Variants in STK32B observed in about 807,000 individuals in gnomAD.
The protein encoded by STK32B is serine/threonine-protein kinase 32B.
Under a neutral mutation model 52.6 loss-of-function variants are expected in STK32B, and 43 were observed. The ratio of observed to expected loss-of-function variants is 0.82; its 90% CI spans 0.64 to 1.05. The LOEUF (loss-of-function observed/expected upper bound fraction) is 1.05, where lower values mean the gene tolerates loss of function less well. STK32B is among the 50% of genes least tolerant of loss of function. The pLI is 0.00. For missense variants in STK32B, 621 were observed against 534.6 expected (o/e 1.16, Z -1.59); for synonymous variants, 238 against 204.3 (o/e 1.17, Z -1.41).
chr4:5,059,860 A>G (rs934175464), intron 1 of STK32B, among the ~76,000 whole-genome samples: 2 of 152,238 alleles, frequency 1.3e-5, no homozygotes, highest in Admixed American at 6.5e-5. Flanking sequence ...AGGAAGGAAG[A>G]GACATTTTTT....
chr4:5,492,779 G>C (rs1719856624), intron 11 of STK32B, among the ~76,000 whole-genome samples: 1 of 151,478 alleles, frequency 6.6e-6, no homozygotes, highest in South Asian at 2.1e-4. Flanking sequence ...AGAGTTTTTA[G>C]CATGAAGGGT....
At chr4:5,130,773 C>A (rs557373846) in intron 1 of STK32B, among the ~76,000 whole-genome samples, 5 of 152,138 alleles carry the variant, frequency 3.3e-5, no homozygotes, top group African/African-American at 9.7e-5. Context: ...TGGGTTAATC[C>A]TTCCTCCACC....
chr4:5,180,244 A>T (rs1309228669), intron 3 of STK32B, among the ~76,000 whole-genome samples: 2 of 152,170 alleles, frequency 1.3e-5, no homozygotes, highest in Non-Finnish European at 2.9e-5. Context: ...TGCAATTCAG[A>T]CTCAGACAGA....
intron 5 of STK32B, among the ~76,000 whole-genome samples, chr4:5,408,142 C>T (rs1246667790): frequency 1.3e-5 from 2 of 152,200 alleles, no homozygotes; most frequent in South Asian, 2.1e-4. Context: ...GCAGCCCAAA[C>T]GGACTGAGAT....
the STK32B span, among the ~76,000 whole-genome samples, chr4:5,023,565 G>A: frequency 1.4e-4 from 22 of 152,234 alleles, no homozygotes; most frequent in Non-Finnish European, 2.4e-4. Context: ...TATGCAGAAC[G>A]GAGGTGTGGC....
chr4:5,190,505 G>T (rs1318595492), intron 3 of STK32B, among the ~76,000 whole-genome samples: 1 of 152,056 alleles, frequency 6.6e-6, no homozygotes, highest in African/African-American at 2.4e-5. Flanking sequence ...TGGTGTCATG[G>T]GTTCATTTAT....
intron 11 of STK32B, among the ~76,000 whole-genome samples, chr4:5,468,974 C>T (rs1044460448): frequency 1.3e-5 from 2 of 150,690 alleles, no homozygotes; most frequent in African/African-American, 2.5e-5. Flanking sequence ...GGTGTGAACC[C>T]GGGAGGCAGA....
intron 1 of STK32B, among the ~76,000 whole-genome samples, chr4:5,093,432 G>A (rs1189127615): frequency 5.9e-5 from 9 of 152,032 alleles, no homozygotes; most frequent in Non-Finnish European, 1.3e-4. Flanking sequence ...CAAGTTTTTC[G>A]AGTATCTACT....
chr4:5,213,992 C>T (rs183208511), intron 3 of STK32B, among the ~76,000 whole-genome samples: 529 of 152,228 alleles, frequency 3.5e-3, no homozygotes, highest in Non-Finnish European at 5.9e-3. Flanking sequence ...TTGGCTTTTA[C>T]CTATTTAAAT....
chr4:5,445,976 C>G (rs1436375084), intron 6 of STK32B, among the ~76,000 whole-genome samples: 1 of 152,100 alleles, frequency 6.6e-6, no homozygotes, highest in African/African-American at 2.4e-5. Flanking sequence ...GTGTCCATTT[C>G]TCAAGGTTCT....
intron 4 of STK32B, among the ~76,000 whole-genome samples, chr4:5,391,075 T>C (rs1404222974): frequency 6.6e-6 from 1 of 151,652 alleles, no homozygotes; most frequent in Non-Finnish European, 1.5e-5. Flanking sequence ...TCTCCTGCCT[T>C]GGCCTCCAGA....
chr4:5,452,786 T>C (rs140157262), intron 7 of STK32B, among the ~76,000 whole-genome samples: 32 of 152,220 alleles, frequency 2.1e-4, no homozygotes, highest in African/African-American at 7.2e-4. Context: ...AAAATTTTTT[T>C]TAGAAACCGA....
chr4:5,233,429 G>T (rs1245203156), intron 3 of STK32B, among the ~76,000 whole-genome samples: 1 of 152,120 alleles, frequency 6.6e-6, no homozygotes, highest in Non-Finnish European at 1.5e-5. Flanking sequence ...AGCTTGTAAA[G>T]AAAGGGGACA....
In STK32B at chr4:5,460,181, T is replaced by G. The variant is rs1716924107; in HGVS notation, c.862T>G (p.Trp288Gly). 6.2e-7 allele frequency: 1 copy of G among 1,613,990 alleles called. No homozygotes were observed. The change falls in exon 9 of 12, where the codon TGG becomes GGG. Residue 288 changes from tryptophan to glycine, a missense_variant. Transcript: ENST00000282908. The surrounding 1 kb of genome is among the most constrained non-coding windows in gnomAD (Gnocchi z 4.8). ...QSVPYLADMN[W>G]DAVFKKALMP... is the part of the protein sequence containing the mutation. ...CGTGCCCTACTTGGCCGACATGAACTGGGACGCGGTGTTCAAGAAGGCACT... is the reference window on the plus strand; with the variant it reads ...CGTGCCCTACTTGGCCGACATGAACGGGGACGCGGTGTTCAAGAAGGCACT...
chr4:5,234,513 T>TAA (rs34816975), intron 3 of STK32B, among the ~76,000 whole-genome samples: 2 of 152,044 alleles, frequency 1.3e-5, no homozygotes, highest in South Asian at 2.1e-4. Flanking sequence ...AAGGGCTCAA[T>TAA]AAAAAATATT....
At chr4:5,339,418 T>G (rs1007813855) in intron 4 of STK32B, among the ~76,000 whole-genome samples, 12 of 152,196 alleles carry the variant, frequency 7.9e-5, no homozygotes, top group African/African-American at 2.9e-4. Flanking sequence ...TTACCTCCTT[T>G]CTTATGGTTC....
chr4:5,097,740 G>A lies in STK32B; in HGVS notation c.53-42165G>A, dbSNP rs899282308. On this transcript the variant is annotated intron_variant, in intron 1 of 11. Coordinates refer to ENST00000282908, the MANE Select transcript of STK32B (RefSeq NM_018401.3). ...TGATCACTAACTCGTTAATCATGTC[G>A]ATATGTGATTCAGATGTTTCTTCAG... Among the ~76,000 whole-genome samples, 19 of 152,296 alleles carry A rather than the reference G, an allele frequency of 1.2e-4. 1 individual carries two copies. The highest frequency in any genetic ancestry group is 4.1e-4 in the South Asian group (2 of 4,824).
At chr4:5,204,201 A>G (rs1404458480) in intron 3 of STK32B, 1 of 152,220 alleles carries the variant, frequency 6.6e-6, no homozygotes, top group Non-Finnish European at 1.5e-5. Context: ...GTAGAATTGT[A>G]TTAATAGATC....
intron 1 of STK32B, among the ~76,000 whole-genome samples, chr4:5,080,910 T>C (rs61612891): frequency 0.49 from 75,070 of 151,962 alleles, 20,473 homozygotes; most frequent in East Asian, 0.81. Flanking sequence ...CGATTTGATT[T>C]TATATGGGAA....
Sources: allele counts gnomAD v4.1 joint callset (sites outside exome capture counted in the v4.1 genomes callset), GRCh38; gene constraint gnomAD v4.1.1; non-coding constraint Gnocchi (gnomAD v3.1); transcripts MANE v1.5; gene names NCBI Gene and HGNC (gene_info 2026-07-23, HGNC 2026-07-21).